The following ABRACL variants were observed in gnomAD, a reference collection of about 807,000 sequenced individuals.
ABRACL encodes ABRA C-terminal like.
In ABRACL, 4 loss-of-function variants were observed where a neutral mutation model predicts 7.0. The observed-to-expected ratio is 0.57, with a 90% confidence interval of 0.28 to 1.30. The LOEUF (loss-of-function observed/expected upper bound fraction) is 1.30. ABRACL is among the 50% of genes most tolerant of loss of function. The pLI is 0.10. For synonymous variants in ABRACL, 30 were observed against 36.0 expected (o/e 0.83, Z 0.60); for missense variants, 104 against 97.3 (o/e 1.07, Z -0.29).
At chr6:139,034,295 G>A (rs1281232229) in intron 2 of ABRACL, 74 bp downstream of exon 2, 6 of 1,613,002 alleles carry the variant, frequency 3.7e-6, no homozygotes, top group East Asian at 2.2e-5. Context: ...TGCTGGAGAA[G>A]CCTATGAAGG....
chr6:139,040,140 T>C (rs997483005), intron 2 of ABRACL, among the ~76,000 whole-genome samples: 3 of 152,130 alleles, frequency 2.0e-5, no homozygotes, highest in Non-Finnish European at 2.9e-5. Context: ...AGAGTAACAA[T>C]GAGCTTTGCA....
chr6:139,029,974 T>G (rs1732374903), intron 1 of ABRACL, among the ~76,000 whole-genome samples: 1 of 152,120 alleles, frequency 6.6e-6, no homozygotes, highest in Non-Finnish European at 1.5e-5. Flanking sequence ...TGCCCAGTCC[T>G]CCGACTTTCC....
chr6:139,034,453 A>G (rs1211240693), intron 2 of ABRACL: 1 of 1,450,758 alleles, frequency 6.9e-7, no homozygotes, highest in Non-Finnish European at 9.1e-7. Flanking sequence ...ATATTTCATT[A>G]TTTTTCGATA....
intron 2 of ABRACL, among the ~76,000 whole-genome samples, chr6:139,037,639 C>T (rs1272840522): frequency 3.9e-5 from 6 of 152,158 alleles, no homozygotes; most frequent in Admixed American, 3.3e-4. Flanking sequence ...TTCACCACAC[C>T]CACTTGATGG....
At chr6:139,031,339 A>G (rs1178103514) in intron 1 of ABRACL, among the ~76,000 whole-genome samples, 2 of 152,130 alleles carry the variant, frequency 1.3e-5, no homozygotes. Context: ...TTTCTATTAC[A>G]CTTACCCATC....
chr6:139,041,531 A>ATTTT (rs1554211161), intron 2 of ABRACL, among the ~76,000 whole-genome samples: 2,786 of 126,004 alleles, frequency 0.022, 74 homozygotes, highest in African/African-American at 0.037. Context: ...ATATATATAT[A>ATTTT]TTTTTTTTTA....
intron 1 of ABRACL, among the ~76,000 whole-genome samples, chr6:139,032,003 C>T (rs1786088235): frequency 6.6e-6 from 1 of 151,626 alleles, no homozygotes; most frequent in Non-Finnish European, 1.5e-5. Flanking sequence ...CTCTGTCGCC[C>T]AGGTTGGAGT....
chr6:139,034,263 C>T (rs778844499), intron 2 of ABRACL, 42 bp downstream of exon 2: 4 of 1,614,114 alleles, frequency 2.5e-6, no homozygotes, highest in Non-Finnish European at 3.4e-6. Flanking sequence ...CTGGCTTTAC[C>T]TTGGAACAGG....
At chr6:139,032,793 A>C (rs189291738) in intron 1 of ABRACL, among the ~76,000 whole-genome samples, 135 of 152,316 alleles carry the variant, frequency 8.9e-4, no homozygotes, top group Non-Finnish European at 1.6e-3. Flanking sequence ...ATACTTCCTG[A>C]CATCCTGCAG....
intron 2 of ABRACL, among the ~76,000 whole-genome samples, chr6:139,041,513 G>GTATA (rs1554211144): frequency 0.039 from 1,681 of 43,086 alleles, 16 homozygotes; most frequent in Admixed American, 0.046. Context: ...GTGTGTGTGT[G>GTATA]TATATATATA....
intron 1 of ABRACL, among the ~76,000 whole-genome samples, chr6:139,029,094 TC>T (rs1786037749): frequency 2.6e-5 from 4 of 152,186 alleles, no homozygotes; most frequent in African/African-American, 9.6e-5. Flanking sequence ...CGGGTCGACT[TC>T]CGCACTCGGC....
In ABRACL at chr6:139,034,168, T is replaced by C; in HGVS notation, c.8T>C (p.Val3Ala). 6.2e-7 allele frequency: 1 copy of C among 1,614,244 alleles called. No homozygotes were observed. Among genetic ancestry groups the C allele is most frequent in the Non-Finnish European group, 8.5e-7 (1 of 1,180,048 alleles). The change falls in exon 2 of 3, where the codon GTG becomes GCG. Residue 3 changes from valine (V) to alanine (A), a missense_variant. Val to Ala is a moderately conservative substitution (Grantham distance 64). Coordinates refer to ENST00000367660, the MANE Select transcript of ABRACL (RefSeq NM_021243.3). MN[V>A]DHEVNLLVEE... ...TTTCTCTCCCAGGCAGCAATGAATGTGGATCACGAGGTTAACCTCTTAGTG... is the reference window on the plus strand; with the variant it reads ...TTTCTCTCCCAGGCAGCAATGAATGCGGATCACGAGGTTAACCTCTTAGTG...
intron 2 of ABRACL, among the ~76,000 whole-genome samples, chr6:139,040,407 A>G (rs1204789263): frequency 6.6e-6 from 1 of 152,218 alleles, no homozygotes; most frequent in Non-Finnish European, 1.5e-5. Flanking sequence ...GAGAACTCCA[A>G]GATTACACTC....
chr6:139,042,684 T>C (rs774739490), intron 2 of ABRACL, 35 bp from the exon 3 acceptor site: 2 of 1,585,238 alleles, frequency 1.3e-6, no homozygotes, highest in Non-Finnish European at 1.7e-6. Context: ...TGAAACAGAC[T>C]TTGCATTTGC....
At chr6:139,040,378 T>G (rs1786226599) in intron 2 of ABRACL, among the ~76,000 whole-genome samples, 3 of 152,088 alleles carry the variant, frequency 2.0e-5, no homozygotes, top group African/African-American at 7.2e-5. Context: ...ATTTGTCAGA[T>G]TGAGGGGTGA....
At chr6:139,041,451 C>CTCTATATATATATA (rs140091253) in intron 2 of ABRACL, among the ~76,000 whole-genome samples, 1 of 110,054 alleles carries the variant, frequency 9.1e-6, no homozygotes, top group Non-Finnish European at 1.8e-5. Flanking sequence ...CTCTCTCTCT[C>CTCTATATATATATA]TATATATATA....
chr6:139,031,296 A>G (rs979956152), intron 1 of ABRACL, among the ~76,000 whole-genome samples: 10 of 152,224 alleles, frequency 6.6e-5, no homozygotes, highest in African/African-American at 2.4e-4. Flanking sequence ...TTTAATTGCT[A>G]GATAACTTTT....
At chr6:139,032,177 G>C (rs551259869) in intron 1 of ABRACL, among the ~76,000 whole-genome samples, 63 of 152,102 alleles carry the variant, frequency 4.1e-4, no homozygotes, top group Middle Eastern at 3.4e-3. Context: ...TGTTAGCCAG[G>C]ATGGTCTCGA....
chr6:139,031,922 C>A (rs1374680465), intron 1 of ABRACL, among the ~76,000 whole-genome samples: 12 of 151,652 alleles, frequency 7.9e-5, no homozygotes, highest in Middle Eastern at 3.5e-3. Context: ...GCAGACAAAA[C>A]AACAGTTGCC....
Sources: allele counts gnomAD v4.1 joint callset (sites outside exome capture counted in the v4.1 genomes callset), GRCh38; gene constraint gnomAD v4.1.1; transcripts MANE v1.5; gene names NCBI Gene and HGNC (gene_info 2026-07-23, HGNC 2026-07-21).